PAFAH1B2: variants seen among roughly 807,000 people sequenced by gnomAD.
The protein encoded by PAFAH1B2 is platelet activating factor acetylhydrolase 1b catalytic subunit 2.
PAFAH1B2 carries 8 observed loss-of-function variants against 28.0 expected under a neutral mutation model. The ratio of observed to expected loss-of-function variants is 0.29; its 90% CI spans 0.17 to 0.52. The LOEUF (loss-of-function observed/expected upper bound fraction) is 0.52. PAFAH1B2 is among the 20% of genes least tolerant of loss of function. PAFAH1B2 has a pLI of 0.97. For missense variants in PAFAH1B2, 190 were observed against 282.6 expected (o/e 0.67, Z 2.35); for synonymous variants, 104 against 103.2 (o/e 1.01, Z -0.05).
Position 117,170,130 on chromosome 11 carries a change from ATAGT to A in PAFAH1B2, c.*2434_*2437del, listed in dbSNP as rs1956615711. The stretch of plus-strand genomic sequence containing the variant: ...TTTCTTTGCACTACTTTAGGTAAAA[ATAGT>A]TAATCTATTTTTCTTTGACATCCTA... On this transcript the variant is annotated 3_prime_UTR_variant, in exon 6 of 6. Transcript: ENST00000527958. The A allele has an allele frequency of 7.6e-6, 8 of 1,054,786 alleles. No individual in the cohort carries two copies. The highest frequency in any genetic ancestry group is 4.6e-5 in the South Asian group (1 of 21,854). 65.3% of individuals were successfully genotyped at this position (1,054,786 alleles called of 1,614,324 possible). A position where few individuals can be genotyped will look rare whatever the true frequency, so the allele number is the denominator to read the frequency against.
chr11:117,173,434 A>G (rs1038824351), downstream of PAFAH1B2, among the ~76,000 whole-genome samples: 3 of 152,262 alleles, frequency 2.0e-5, no homozygotes, highest in Non-Finnish European at 2.9e-5. Context: ...CAAGGCTCCC[A>G]AAAGGCTCAG....
chr11:117,154,099 T>C (rs1956212966), intron 2 of PAFAH1B2, among the ~76,000 whole-genome samples: 1 of 125,052 alleles, frequency 8.0e-6, no homozygotes, highest in Admixed American at 8.8e-5. Context: ...GGGTGACAGA[T>C]TGAGACCTTA....
chr11:117,144,469 G>A, intron 1 of PAFAH1B2, 51 bp downstream of exon 1: 1 of 273,804 alleles, frequency 3.7e-6, no homozygotes. Context: ...GCGGGGGTCG[G>A]AAGGGGCTGC....
At chr11:117,176,093 C>T (rs139640628) in exon 6 of PAFAH1B2, 1 of 669,366 alleles carries the variant, frequency 1.5e-6, no homozygotes, top group African/African-American at 1.8e-5. Flanking sequence ...CAGTACTGGA[C>T]CAAGGTGCAA....
chr11:117,178,012 G>T (rs993133518), downstream of PAFAH1B2, among the ~76,000 whole-genome samples: 3 of 152,140 alleles, frequency 2.0e-5, no homozygotes, highest in African/African-American at 7.2e-5. Context: ...AAGCGTAGCT[G>T]CCCAGGTATT....
chr11:117,148,035 T>A (rs1956054546), intron 1 of PAFAH1B2, among the ~76,000 whole-genome samples: 1 of 151,716 alleles, frequency 6.6e-6, no homozygotes, highest in Admixed American at 6.6e-5. Context: ...AATTAGAATT[T>A]ATCTTTTTTC....
chr11:117,164,398 C>A (rs1956450136), intron 5 of PAFAH1B2, among the ~76,000 whole-genome samples: 1 of 89,676 alleles, frequency 1.1e-5, no homozygotes, highest in South Asian at 2.8e-4. Flanking sequence ...CAGAGCGAGA[C>A]TCCGTCTCAA....
At chr11:117,158,642 T>C (rs1483326381) in intron 2 of PAFAH1B2, among the ~76,000 whole-genome samples, 13 of 6,334 alleles carry the variant, frequency 2.1e-3, no homozygotes, top group Non-Finnish European at 6.7e-3. Context: ...TTTGTGGGCT[T>C]TTTTTTTTTT....
chr11:117,164,096 C>T (rs1396736051), intron 5 of PAFAH1B2: 8 of 489,854 alleles, frequency 1.6e-5, no homozygotes, highest in African/African-American at 5.9e-5. Context: ...CTTTTATCCA[C>T]GCATCCTTGT....
intron 2 of PAFAH1B2, among the ~76,000 whole-genome samples, chr11:117,156,076 CT>C (rs1956248540): frequency 6.6e-6 from 1 of 152,122 alleles, no homozygotes; most frequent in Admixed American, 6.6e-5. Context: ...GTAGTCCCAG[CT>C]ACTGGGGGGC....
Position 117,168,446 on chromosome 11 carries a change from GTTTT to G in PAFAH1B2, c.*769_*772del, listed in dbSNP as rs71469127. ...TCCCCTTCATTCCCCCCGCCACCCC[GTTTT>G]TTTTTTTTTTTTTTTTTTTTTGGTT... On this transcript the variant is annotated 3_prime_UTR_variant, in exon 6 of 6. Coordinates refer to ENST00000527958, the MANE Select transcript of PAFAH1B2 (RefSeq NM_002572.4). 0.03 allele frequency: 7,033 copies of G among 234,160 alleles called. 15 individuals carry two copies. Among genetic ancestry groups the G allele is most frequent in the South Asian group, 0.085 (402 of 4,754 alleles). 14.5% of individuals were successfully genotyped at this position (234,160 alleles called of 1,614,324 possible).
At chr11:117,146,413 C>T (rs1018471521) in intron 1 of PAFAH1B2, among the ~76,000 whole-genome samples, 1 of 152,138 alleles carries the variant, frequency 6.6e-6, no homozygotes, top group Admixed American at 6.6e-5. Context: ...CGTCTTACCA[C>T]TGGGTAGCTC....
Position 117,170,477 on chromosome 11 carries a change from G to A in PAFAH1B2, c.*2778G>A. The A allele has an allele frequency of 2.8e-6, 3 of 1,060,432 alleles. No homozygotes were observed. Among genetic ancestry groups the A allele is most frequent in the Non-Finnish European group, 3.4e-6 (3 of 876,658 alleles). The allele number at this position is 1,060,432 out of a possible 1,614,324, so 65.7% of individuals were successfully genotyped here. A position where few individuals can be genotyped will look rare whatever the true frequency, so the allele number is the denominator to read the frequency against. ...CTGTCTTCCAGTCCATGTGTTCTCG[G>A]TCGCCGTAGACAGCGCTCTGGCTAC... On this transcript the variant is annotated 3_prime_UTR_variant, in exon 6 of 6. Coordinates refer to ENST00000527958, the MANE Select transcript of PAFAH1B2 (RefSeq NM_002572.4).
intron 3 of PAFAH1B2, among the ~76,000 whole-genome samples, chr11:117,160,834 A>C (rs1228307407): frequency 1.4e-5 from 2 of 145,832 alleles, no homozygotes; most frequent in Non-Finnish European, 3.0e-5. Flanking sequence ...TCTTGTTTCT[A>C]CTTCACCCTG....
downstream of PAFAH1B2, among the ~76,000 whole-genome samples, chr11:117,172,322 T>C (rs1460430949): frequency 1.4e-5 from 2 of 140,788 alleles, no homozygotes; most frequent in Admixed American, 1.5e-4. Context: ...CTATGCCTTT[T>C]GCCTACTTGC....
intron 2 of PAFAH1B2, among the ~76,000 whole-genome samples, chr11:117,156,562 A>C (rs2134187631): frequency 6.6e-6 from 1 of 152,328 alleles, no homozygotes. Context: ...GCATGGTCAT[A>C]GTTACTAGGT....
chr11:117,148,950 C>A (rs992239280), intron 1 of PAFAH1B2, among the ~76,000 whole-genome samples: 21 of 151,942 alleles, frequency 1.4e-4, no homozygotes, highest in African/African-American at 4.6e-4. Flanking sequence ...TCACTGCAGC[C>A]TCCACCTCCT....
chr11:117,163,523 A>G (rs1035789337), intron 4 of PAFAH1B2, among the ~76,000 whole-genome samples: 3 of 152,136 alleles, frequency 2.0e-5, no homozygotes, highest in Non-Finnish European at 4.4e-5. Context: ...AAATACAAAA[A>G]TTAGCTGGGC....
chr11:117,156,157 A>G (rs549652649), intron 2 of PAFAH1B2, among the ~76,000 whole-genome samples: 1 of 152,278 alleles, frequency 6.6e-6, no homozygotes, highest in African/African-American at 2.4e-5. Context: ...ACTGCACTCC[A>G]CCCTCGGTGA....
Sources: gnomAD v4.1 joint callset for allele counts (sites outside exome capture counted in the v4.1 genomes callset) on GRCh38, gnomAD v4.1.1 for gene constraint, MANE v1.5 for transcripts, NCBI Gene and HGNC (gene_info 2026-07-23, HGNC 2026-07-21) for gene names.